Variants in SMG6 observed in about 807,000 individuals in gnomAD.
SMG6 encodes telomerase-binding protein EST1A.
In SMG6, 66 loss-of-function variants were observed where a neutral mutation model predicts 142.2. The ratio of observed to expected loss-of-function variants is 0.46; its 90% CI spans 0.38 to 0.57. The LOEUF (loss-of-function observed/expected upper bound fraction) is 0.57. Among genes scored for constraint, SMG6 ranks in the 20% least tolerant of loss-of-function variants. The probability of loss-of-function intolerance (pLI) is 0.00; values close to 1 mark genes in which losing one functional copy is unlikely to be tolerated. For missense variants in SMG6, 1,793 were observed against 1,832.0 expected, an observed-to-expected ratio of 0.98 and a Z score of 0.39; for synonymous variants, 779 against 702.4, an observed-to-expected ratio of 1.11 and a Z score of -1.72.
chr17:2,199,647 T>C (rs1050603535), intron 10 of SMG6: 1 of 151,944 alleles, frequency 6.6e-6, no homozygotes. Context: ...GGCTCACACC[T>C]GTAATCCCAG....
At chr17:2,088,313 G>C (rs1397707012) in intron 13 of SMG6, 7 of 985,406 alleles carry the variant, frequency 7.1e-6, no homozygotes, top group Non-Finnish European at 8.4e-6. Flanking sequence ...GGGATTTCCA[G>C]GGCACAGCAG....
chr17:2,072,437 GTAAC>G (rs2068129896), intron 15 of SMG6, among the ~76,000 whole-genome samples: 1 of 152,202 alleles, frequency 6.6e-6, no homozygotes, highest in African/African-American at 2.4e-5. Flanking sequence ...AAGGTGCTAA[GTAAC>G]TAACTTTCTC....
At chr17:2,173,190 C>A in intron 12 of SMG6, 1 of 328,144 alleles carries the variant, frequency 3.0e-6, no homozygotes, top group Non-Finnish European at 5.8e-6. Flanking sequence ...CTCAAACACT[C>A]TAGACACCCA....
At chr17:2,181,185 A>T (rs2071795475) in intron 12 of SMG6, among the ~76,000 whole-genome samples, 1 of 152,232 alleles carries the variant, frequency 6.6e-6, no homozygotes, top group Non-Finnish European at 1.5e-5. Context: ...TCTCAACCAG[A>T]GTATTTACTC....
intron 10 of SMG6, among the ~76,000 whole-genome samples, chr17:2,200,591 C>T (rs1289592750): frequency 6.6e-6 from 1 of 152,082 alleles, no homozygotes. Flanking sequence ...GTCTCAAACT[C>T]CTGGCCTCAA....
intron 13 of SMG6, among the ~76,000 whole-genome samples, chr17:2,123,610 C>T (rs1192545182): frequency 1.3e-5 from 2 of 152,176 alleles, no homozygotes; most frequent in Admixed American, 6.6e-5. Flanking sequence ...GTGAAACCCA[C>T]AGTATGCCAA....
intron 13 of SMG6, among the ~76,000 whole-genome samples, chr17:2,166,795 T>G (rs1464297491): frequency 6.6e-6 from 1 of 152,056 alleles, no homozygotes; most frequent in Non-Finnish European, 1.5e-5. Flanking sequence ...CTCTGTGAAG[T>G]ATGCTAAATG....
chr17:2,067,596 T>G (rs2067988000), intron 16 of SMG6, among the ~76,000 whole-genome samples: 1 of 152,130 alleles, frequency 6.6e-6, no homozygotes, highest in Non-Finnish European at 1.5e-5. Flanking sequence ...TGTTCTACTG[T>G]TGAAGAGCAG....
chr17:2,118,196 C>A (rs8081921), intron 13 of SMG6, among the ~76,000 whole-genome samples: 53,969 of 151,920 alleles, frequency 0.36, 10,279 homozygotes, highest in African/African-American at 0.49. Flanking sequence ...TGAGTCATCC[C>A]TGCCACTGCA....
At position 2,213,444 on chromosome 17, in the gene SMG6, C is replaced by T. The variant is rs559026430; in HGVS notation, c.2869+23048G>A. Among the ~76,000 whole-genome samples, 3 of 152,322 alleles carry T rather than the reference C, an allele frequency of 2.0e-5. No individual in the cohort carries two copies. The East Asian group carries it at 5.8e-4, about 29-fold the overall frequency. ...TAGGCCCTGATGCCGCAGCCAGCTTCAAACAACAGAATGCAGGGCGGGCAG... is the reference window on the plus strand; with the variant it reads ...TAGGCCCTGATGCCGCAGCCAGCTTTAAACAACAGAATGCAGGGCGGGCAG... On this transcript the variant is annotated intron_variant, in intron 10 of 18. Transcript: ENST00000263073.
At position 2,156,393 on chromosome 17, in the gene SMG6, CAAAAAAAA is replaced by C. The variant is rs34203812; in HGVS notation, c.3357+16257_3357+16264del. The stretch of plus-strand genomic sequence containing the variant: ...TGGGCAACAGAGAGACACTCCTTCT[CAAAAAAAA>C]AAAAAAAAAAAAAAAAAAAAAGAGT... On this transcript the variant is annotated intron_variant, in intron 13 of 18. Coordinates refer to ENST00000263073, the MANE Select transcript of SMG6 (RefSeq NM_017575.5). Among the ~76,000 whole-genome samples, 46 of 55,414 alleles carry C rather than the reference CAAAAAAAA, an allele frequency of 8.3e-4. 1 individual carries two copies. Among genetic ancestry groups the C allele is most frequent in the Middle Eastern group, 0.017 (1 of 60 alleles). 36.4% of individuals were successfully genotyped at this position (55,414 alleles called of 152,430 possible).
intron 10 of SMG6, among the ~76,000 whole-genome samples, chr17:2,208,961 C>T (rs949409490): frequency 1.3e-5 from 2 of 152,116 alleles, no homozygotes; most frequent in African/African-American, 4.8e-5. Context: ...GGGTGGGTTG[C>T]CTGAGCTCAG....
At chr17:2,175,682 TAAGA>T (rs1455522290) in intron 12 of SMG6, among the ~76,000 whole-genome samples, 2 of 152,150 alleles carry the variant, frequency 1.3e-5, no homozygotes, top group African/African-American at 4.8e-5. Context: ...TGTTGATTTG[TAAGA>T]AAGCAGCTGA....
intron 13 of SMG6, among the ~76,000 whole-genome samples, chr17:2,143,496 G>C (rs1415930832): frequency 1.3e-5 from 2 of 152,134 alleles, no homozygotes; most frequent in East Asian, 3.9e-4. Flanking sequence ...ATAATTATAT[G>C]ATCCCATTCA....
chr17:2,164,354 C>G (rs910451006), intron 13 of SMG6, among the ~76,000 whole-genome samples: 1 of 151,712 alleles, frequency 6.6e-6, no homozygotes, highest in Non-Finnish European at 1.5e-5. Context: ...ACCCGGGAGA[C>G]AGAGGTTGCA....
chr17:2,087,438 T>C (rs2068594974), intron 13 of SMG6: 1 of 1,140,066 alleles, frequency 8.8e-7, no homozygotes, highest in African/African-American at 1.6e-5. Context: ...TCCTACACGG[T>C]CTAGGAGTGT....
chr17:2,109,374 G>C (rs1003097585), intron 13 of SMG6, among the ~76,000 whole-genome samples: 1 of 151,884 alleles, frequency 6.6e-6, no homozygotes, highest in Non-Finnish European at 1.5e-5. Flanking sequence ...AGTGATTCTC[G>C]TGCCTCAGCC....
intron 13 of SMG6, among the ~76,000 whole-genome samples, chr17:2,157,669 T>G (rs2071048696): frequency 1.3e-5 from 2 of 152,218 alleles, no homozygotes; most frequent in Admixed American, 1.3e-4. Flanking sequence ...CTCTCATGCT[T>G]TCAGCTTAAA....
At position 2,221,114 on chromosome 17, in the gene SMG6, A is replaced by T. The variant is rs751816444; in HGVS notation, c.2869+15378T>A. On this transcript the variant is annotated intron_variant, in intron 10 of 18. Coordinates refer to ENST00000263073, the MANE Select transcript of SMG6 (RefSeq NM_017575.5). ...AACTTACGCTGTTCTATAGAAATTTACTTTCCAGAGCCCCAATGATATTTA... is the reference window on the plus strand; with the variant it reads ...AACTTACGCTGTTCTATAGAAATTTTCTTTCCAGAGCCCCAATGATATTTA... Among the ~76,000 whole-genome samples the T allele has an allele frequency of 3.5e-3, 527 of 152,324 alleles. 6 individuals are homozygous for T. Among genetic ancestry groups the T allele is most frequent in the Non-Finnish European group, 4.7e-3 (320 of 68,030 alleles).
Sources: allele counts gnomAD v4.1 joint callset (sites outside exome capture counted in the v4.1 genomes callset), GRCh38; gene constraint gnomAD v4.1.1; transcripts MANE v1.5; gene names NCBI Gene and HGNC (gene_info 2026-07-23, HGNC 2026-07-21).